GABRB1: variants seen among roughly 807,000 people sequenced by gnomAD.
The protein encoded by GABRB1 is gamma-aminobutyric acid type A receptor subunit beta1, also known as gamma-aminobutyric acid receptor subunit beta-1.
In GABRB1, 17 loss-of-function variants were observed where a neutral mutation model predicts 51.6. That is an observed-to-expected ratio of 0.33 (90% CI 0.23 to 0.49). GABRB1 has a LOEUF of 0.49. Among genes scored for constraint, GABRB1 ranks in the 20% least tolerant of loss-of-function variants. The pLI is 0.99. For synonymous variants in GABRB1, 247 were observed against 218.9 expected, an observed-to-expected ratio of 1.13 and a Z score of -1.14; for missense variants, 410 against 600.6, an observed-to-expected ratio of 0.68 and a Z score of 3.32.
At position 47,055,467 on chromosome 4, in the gene GABRB1, C is replaced by T. The variant is rs143518669; in HGVS notation, c.240+22983C>T. Among the ~76,000 whole-genome samples the T allele has an allele frequency of 5.9e-3, 896 of 152,158 alleles. 7 individuals are homozygous for T. Among genetic ancestry groups the T allele is most frequent in the South Asian group, 0.016 (78 of 4,814 alleles). ...AGAAGGCACTCAAGTGGTAACCGAG[C>T]GGACACCATTTACACGAGCATGCAC... On this transcript the variant is annotated intron_variant, in intron 3 of 8. Transcript: ENST00000295454.
intron 3 of GABRB1, among the ~76,000 whole-genome samples, chr4:47,044,304 C>T (rs1431193656): frequency 1.3e-5 from 2 of 152,014 alleles, no homozygotes; most frequent in East Asian, 1.9e-4. Flanking sequence ...TATACACCAA[C>T]AATCTTTTAA....
intron 1 of GABRB1, among the ~76,000 whole-genome samples, chr4:47,007,137 T>G (rs1054058397): frequency 3.0e-5 from 3 of 99,128 alleles, no homozygotes; most frequent in African/African-American, 1.0e-4. Context: ...GAGACCCTGT[T>G]TGGATAAAAA....
intron 1 of GABRB1, among the ~76,000 whole-genome samples, chr4:47,026,334 A>G (rs1725093087): frequency 6.6e-6 from 1 of 151,974 alleles, no homozygotes; most frequent in South Asian, 2.1e-4. Context: ...TTCAGCTGGA[A>G]AGTGTTCACC....
chr4:47,278,018 G>T (rs1723149935), intron 4 of GABRB1, among the ~76,000 whole-genome samples: 1 of 152,058 alleles, frequency 6.6e-6, no homozygotes, highest in South Asian at 2.1e-4. Flanking sequence ...TCATAGCCCT[G>T]CCCTGAAGCC....
chr4:47,005,337 G>A (rs1056912116), intron 1 of GABRB1, among the ~76,000 whole-genome samples: 6 of 152,204 alleles, frequency 3.9e-5, no homozygotes, highest in Non-Finnish European at 7.3e-5. Flanking sequence ...AGAATGGCGT[G>A]AACCCGAGAG....
chr4:47,335,859 C>G (rs1725679230), intron 5 of GABRB1, among the ~76,000 whole-genome samples: 2 of 152,074 alleles, frequency 1.3e-5, no homozygotes, highest in South Asian at 4.1e-4. Flanking sequence ...AAGAGTAGGT[C>G]AAGGTGAGAT....
chr4:47,218,061 C>T (rs930513350), intron 4 of GABRB1, among the ~76,000 whole-genome samples: 2 of 151,794 alleles, frequency 1.3e-5, no homozygotes, highest in African/African-American at 4.8e-5. Flanking sequence ...TTTTTTAGCT[C>T]TCACATATGA....
At chr4:47,019,145 C>T (rs959092464) in intron 1 of GABRB1, among the ~76,000 whole-genome samples, 2 of 152,132 alleles carry the variant, frequency 1.3e-5, no homozygotes, top group African/African-American at 4.8e-5. Context: ...AATTTCTCAT[C>T]TGACTAATGG....
intron 5 of GABRB1, among the ~76,000 whole-genome samples, chr4:47,391,794 T>C (rs1728002576): frequency 6.6e-6 from 1 of 152,216 alleles, no homozygotes; most frequent in African/African-American, 2.4e-5. Flanking sequence ...AACTTATTTA[T>C]TCAAAAATAT....
intron 5 of GABRB1, 99 bp from the exon 6 acceptor site, chr4:47,403,219 T>G (rs947714442): frequency 1.5e-6 from 2 of 1,347,164 alleles, no homozygotes; most frequent in African/African-American, 2.9e-5. Context: ...CAATGCCACC[T>G]TACCACTTTT....
intron 4 of GABRB1, among the ~76,000 whole-genome samples, chr4:47,288,826 G>A (rs1003893188): frequency 3.3e-5 from 5 of 152,284 alleles, no homozygotes; most frequent in South Asian, 2.1e-4. Context: ...CTTGCCCAAC[G>A]TCAACAGCTG....
At chr4:47,345,475 A>G (rs1726055638) in intron 5 of GABRB1, among the ~76,000 whole-genome samples, 1 of 152,210 alleles carries the variant, frequency 6.6e-6, no homozygotes, top group Non-Finnish European at 1.5e-5. Context: ...GTACAGAGTT[A>G]ACTAGGCAAA....
intron 4 of GABRB1, among the ~76,000 whole-genome samples, chr4:47,251,702 C>T (rs1032397598): frequency 1.6e-4 from 24 of 152,178 alleles, no homozygotes; most frequent in African/African-American, 5.8e-4. Flanking sequence ...AAGGCCAGGT[C>T]AATGGAGTTG....
chr4:47,387,841 C>T (rs946446806), intron 5 of GABRB1, among the ~76,000 whole-genome samples: 2 of 152,176 alleles, frequency 1.3e-5, no homozygotes, highest in Non-Finnish European at 2.9e-5. Context: ...CAGGCAATTT[C>T]ATCTTGAGAA....
At chr4:47,345,569 T>C (rs1403884847) in intron 5 of GABRB1, among the ~76,000 whole-genome samples, 2 of 152,132 alleles carry the variant, frequency 1.3e-5, no homozygotes, top group Non-Finnish European at 2.9e-5. Context: ...GCATAAGGGA[T>C]GAAAATAAAT....
At chr4:47,323,392 T>C (rs1316375984) in intron 5 of GABRB1, among the ~76,000 whole-genome samples, 1 of 152,256 alleles carries the variant, frequency 6.6e-6, no homozygotes, top group Non-Finnish European at 1.5e-5. Flanking sequence ...GGAGTTTCAA[T>C]GAGCTTTGCT....
At chr4:47,165,904 A>G (rs1037334871) in intron 4 of GABRB1, among the ~76,000 whole-genome samples, 2 of 152,130 alleles carry the variant, frequency 1.3e-5, no homozygotes, top group African/African-American at 4.8e-5. Flanking sequence ...CTTGAAGGCA[A>G]CTGTAATTCC....
chr4:47,201,290 C>A (rs1322399215), intron 4 of GABRB1, among the ~76,000 whole-genome samples: 2 of 151,970 alleles, frequency 1.3e-5, no homozygotes. Context: ...CAAAGAGAAA[C>A]TATCTACAAA....
intron 8 of GABRB1, among the ~76,000 whole-genome samples, chr4:47,412,695 G>C (rs773187338): frequency 3.9e-5 from 6 of 152,130 alleles, no homozygotes; most frequent in Admixed American, 3.9e-4. Flanking sequence ...GGTTTAATAG[G>C]AGAAAGAAAG....
Sources: gnomAD v4.1 joint callset for allele counts (sites outside exome capture counted in the v4.1 genomes callset) on GRCh38, gnomAD v4.1.1 for gene constraint, MANE v1.5 for transcripts, NCBI Gene and HGNC (gene_info 2026-07-23, HGNC 2026-07-21) for gene names.